AFTPH: variants seen among roughly 807,000 people sequenced by gnomAD.
AFTPH encodes the protein aftiphilin protein.
Under a neutral mutation model 72.5 loss-of-function variants are expected in AFTPH, and 7 were observed. That is an observed-to-expected ratio of 0.10 (90% CI 0.05 to 0.18). The LOEUF (loss-of-function observed/expected upper bound fraction) is 0.18. Among genes scored for constraint, AFTPH ranks in the 10% least tolerant of loss-of-function variants. AFTPH has a pLI of 1.00. For missense variants in AFTPH, 979 were observed against 1,060.5 expected (o/e 0.92, Z 1.07); for synonymous variants, 337 against 370.1 (o/e 0.91, Z 1.03).
chr2:64,563,479 C>T (rs1671860603), intron 2 of AFTPH, among the ~76,000 whole-genome samples: 1 of 151,948 alleles, frequency 6.6e-6, no homozygotes, highest in Non-Finnish European at 1.5e-5. Flanking sequence ...AATCTATTTC[C>T]TGAAAAAAAC....
exon 2 of AFTPH, chr2:64,552,852 A>G (rs775463221): frequency 6.2e-7 from 1 of 1,614,194 alleles, no homozygotes; most frequent in Middle Eastern, 1.6e-4. Flanking sequence ...GAGTGATGCC[A>G]CTTTTGAAGA....
rs916077628 is a variant in AFTPH at position 64,577,932 on chromosome 2, G to C, written c.2395-1554G>C. On this transcript the variant is annotated intron_variant, in intron 6 of 8. Transcript: ENST00000238856. ...TAGTTCTATATCATTATATCACATA[G>C]GTAGATTCCTGTAACCACCACCACC... Among the ~76,000 whole-genome samples the C allele has an allele frequency of 2.6e-5, 4 of 151,904 alleles. No homozygotes were observed. The East Asian group carries it at 7.7e-4, about 29-fold the overall frequency.
intron 5 of AFTPH, among the ~76,000 whole-genome samples, chr2:64,571,533 G>A (rs1672432117): frequency 6.6e-6 from 1 of 152,206 alleles, no homozygotes; most frequent in South Asian, 2.1e-4. Context: ...TAGCTGCTCG[G>A]TTAAAGCCTT....
chr2:64,578,918 A>C (rs1247927513), intron 6 of AFTPH: 1 of 152,178 alleles, frequency 6.6e-6, no homozygotes, highest in East Asian at 1.9e-4. Flanking sequence ...CACATTATAA[A>C]ATTTGGCAAG....
At chr2:64,573,311 T>A (rs1672556713) in intron 6 of AFTPH, among the ~76,000 whole-genome samples, 2 of 152,186 alleles carry the variant, frequency 1.3e-5, no homozygotes, top group South Asian at 4.1e-4. Flanking sequence ...CTTAAAACTA[T>A]CCAGGCCTTA....
chr2:64,530,002 A>T (rs1669529783), intron 1 of AFTPH, among the ~76,000 whole-genome samples: 1 of 152,104 alleles, frequency 6.6e-6, no homozygotes, highest in African/African-American at 2.4e-5. Context: ...AAAAATATAG[A>T]AAAATTAGCC....
At chr2:64,540,155 C>T (rs937032378) in intron 1 of AFTPH, among the ~76,000 whole-genome samples, 2 of 152,070 alleles carry the variant, frequency 1.3e-5, no homozygotes, top group Non-Finnish European at 2.9e-5. Flanking sequence ...ATTCTATTTT[C>T]ATTGCAGAGT....
intron 7 of AFTPH, among the ~76,000 whole-genome samples, chr2:64,584,026 T>C (rs1673359826): frequency 6.6e-6 from 1 of 152,108 alleles, no homozygotes; most frequent in Non-Finnish European, 1.5e-5. Flanking sequence ...CTTGATCTGC[T>C]GATCTTACAG....
At chr2:64,586,397 C>G (rs1026602944) in intron 8 of AFTPH, among the ~76,000 whole-genome samples, 3 of 152,158 alleles carry the variant, frequency 2.0e-5, no homozygotes, top group African/African-American at 7.2e-5. Flanking sequence ...TAAATACATC[C>G]CAATCACATG....
chr2:64,524,668 C>A (rs1669136137), intron 1 of AFTPH, 56 bp downstream of exon 1: 1 of 395,126 alleles, frequency 2.5e-6, no homozygotes, highest in Middle Eastern at 6.4e-4. Context: ...GTGCGGGGAC[C>A]AGGCCCGGCC....
At chr2:64,582,734 T>C (rs1381328274) in intron 7 of AFTPH, among the ~76,000 whole-genome samples, 1 of 152,226 alleles carries the variant, frequency 6.6e-6, no homozygotes, top group African/African-American at 2.4e-5. Flanking sequence ...TCATAAACTG[T>C]ATTATAATTT....
intron 1 of AFTPH, among the ~76,000 whole-genome samples, chr2:64,535,682 T>C (rs1165245473): frequency 6.6e-6 from 1 of 152,216 alleles, no homozygotes; most frequent in Non-Finnish European, 1.5e-5. Context: ...TCTCCAGCCT[T>C]GATAGAAAAC....
At chr2:64,556,558 T>G (rs1318008493) in intron 2 of AFTPH, among the ~76,000 whole-genome samples, 1 of 152,238 alleles carries the variant, frequency 6.6e-6, no homozygotes, top group African/African-American at 2.4e-5. Context: ...GTTGGTCATT[T>G]CAGATTTCTT....
exon 9 of AFTPH, chr2:64,592,009 A>G (rs151146587): frequency 6.2e-7 from 1 of 1,613,900 alleles, no homozygotes; most frequent in South Asian, 1.1e-5. Context: ...ACCTTCCACA[A>G]GCTCTCAAGA....
chr2:64,581,340 T>C, intron 7 of AFTPH, 67 bp downstream of exon 8: 2 of 1,322,860 alleles, frequency 1.5e-6, no homozygotes, highest in Non-Finnish European at 2.1e-6. Context: ...CACTTGACTT[T>C]CCTATAAACA....
chr2:64,554,665 G>A (rs1002010996), intron 2 of AFTPH, among the ~76,000 whole-genome samples: 1 of 152,188 alleles, frequency 6.6e-6, no homozygotes, highest in African/African-American at 2.4e-5. Context: ...AGTTTAATTT[G>A]CTAATTCAGT....
intron 1 of AFTPH, among the ~76,000 whole-genome samples, chr2:64,544,473 A>G (rs965752776): frequency 1.3e-5 from 2 of 152,192 alleles, no homozygotes; most frequent in Admixed American, 6.5e-5. Flanking sequence ...TTAGATGACT[A>G]TTTGGGACTC....
At chr2:64,531,696 C>T (rs1669640755) in intron 1 of AFTPH, among the ~76,000 whole-genome samples, 1 of 152,118 alleles carries the variant, frequency 6.6e-6, no homozygotes, top group Admixed American at 6.5e-5. Flanking sequence ...AAATACACAG[C>T]AGATTTTAAA....
chr2:64,579,021 T>C (rs1266700235), intron 6 of AFTPH: 1 of 152,854 alleles, frequency 6.5e-6, no homozygotes, highest in Non-Finnish European at 1.5e-5. Context: ...AAGAAGTTGA[T>C]TAAAATAGAT....
Sources: gnomAD v4.1 joint callset for allele counts (sites outside exome capture counted in the v4.1 genomes callset) on GRCh38, gnomAD v4.1.1 for gene constraint, MANE v1.5 for transcripts, NCBI Gene and HGNC (gene_info 2026-07-23, HGNC 2026-07-21) for gene names.